SPATA18: variants seen among roughly 807,000 people sequenced by gnomAD.
The protein encoded by SPATA18 is mitochondria-eating protein.
In SPATA18, 54 loss-of-function variants were observed where a neutral mutation model predicts 68.1. The observed-to-expected ratio is 0.79, with a 90% CI of 0.64 to 0.99. The LOEUF (loss-of-function observed/expected upper bound fraction) is 0.99, where lower values mean the gene tolerates loss of function less well. Ranked by LOEUF, SPATA18 falls within the 50% of genes least tolerant of loss-of-function variation. SPATA18 has a pLI of 0.00. For synonymous variants in SPATA18, 242 were observed against 244.8 expected (o/e 0.99, Z 0.11); for missense variants, 724 against 681.1 (o/e 1.06, Z -0.70).
At chr4:52,084,853 T>C in intron 10 of SPATA18, 63 bp from the exon 11 acceptor site, 1 of 1,510,426 alleles carries the variant, frequency 6.6e-7, no homozygotes, top group Non-Finnish European at 9.2e-7. Flanking sequence ...GCATGTTGTT[T>C]TGAGCCATGA....
intron 1 of SPATA18, among the ~76,000 whole-genome samples, chr4:52,052,034 T>G (rs1737928590): frequency 6.6e-6 from 1 of 152,200 alleles, no homozygotes; most frequent in Admixed American, 6.5e-5. Flanking sequence ...AGCACTAGGC[T>G]GCGGAGACTG....
At chr4:52,060,678 T>G (rs1738759266) in intron 2 of SPATA18, 104 bp from the exon 3 acceptor site, 7 of 1,185,322 alleles carry the variant, frequency 5.9e-6, no homozygotes, top group Non-Finnish European at 3.6e-6. Context: ...TTAATTATAC[T>G]TTAAGTTTTA....
intron 11 of SPATA18, among the ~76,000 whole-genome samples, chr4:52,087,381 A>G (rs187857570): frequency 7.9e-5 from 12 of 152,234 alleles, no homozygotes; most frequent in African/African-American, 2.9e-4. Context: ...GTTTTCTTCT[A>G]GGATTTTTAT....
At chr4:52,064,393 A>G (rs1002690328) in intron 4 of SPATA18, among the ~76,000 whole-genome samples, 2 of 152,128 alleles carry the variant, frequency 1.3e-5, no homozygotes, top group African/African-American at 4.8e-5. Context: ...GGTATACACT[A>G]TAGCCAATAT....
intron 7 of SPATA18, among the ~76,000 whole-genome samples, chr4:52,077,266 CCCT>C (rs1376376900): frequency 1.5e-5 from 2 of 135,140 alleles, no homozygotes; most frequent in Non-Finnish European, 3.2e-5. Flanking sequence ...CTCCCTCCCT[CCCT>C]CCTTTCTTTC....
At chr4:52,079,706 A>T (rs779255198) in intron 8 of SPATA18, 38 bp from the exon 9 acceptor site, 1 of 1,604,346 alleles carries the variant, frequency 6.2e-7, no homozygotes. Context: ...TTTTTGTCAC[A>T]GGCTGGTAAC....
At chr4:52,086,344 T>C (rs1204981216) in intron 11 of SPATA18, among the ~76,000 whole-genome samples, 2 of 152,190 alleles carry the variant, frequency 1.3e-5, no homozygotes, top group African/African-American at 2.4e-5. Flanking sequence ...CGTGCCCTGG[T>C]GGTTTGATGC....
chr4:52,066,510 T>G (rs1482927801), intron 4 of SPATA18, among the ~76,000 whole-genome samples: 1 of 152,182 alleles, frequency 6.6e-6, no homozygotes, highest in Non-Finnish European at 1.5e-5. Context: ...ATATTATATT[T>G]TATTTTAAGT....
At chr4:52,092,722 A>G (rs1228695378) in intron 11 of SPATA18, among the ~76,000 whole-genome samples, 1 of 152,188 alleles carries the variant, frequency 6.6e-6, no homozygotes, top group Non-Finnish European at 1.5e-5. Flanking sequence ...CATGCTCCTT[A>G]TCATACATTC....
intron 4 of SPATA18, 93 bp downstream of exon 4, chr4:52,062,425 A>G (rs1294901971): frequency 1.3e-5 from 11 of 843,920 alleles, no homozygotes; most frequent in Non-Finnish European, 2.1e-5. Context: ...CTCATGTAAA[A>G]TGTGGGCATT....
intron 1 of SPATA18, among the ~76,000 whole-genome samples, chr4:52,056,136 T>C (rs1738321000): frequency 6.6e-6 from 1 of 152,138 alleles, no homozygotes; most frequent in Non-Finnish European, 1.5e-5. Flanking sequence ...CCCCTCATTC[T>C]GCCCTCAGCC....
intron 4 of SPATA18, among the ~76,000 whole-genome samples, chr4:52,064,581 T>C (rs552350312): frequency 6.6e-6 from 1 of 152,328 alleles, no homozygotes; most frequent in Admixed American, 6.5e-5. Context: ...TCCAGCTCCA[T>C]CCAAGTTGCT....
In SPATA18 at chr4:52,078,770, C is replaced by T; in HGVS notation, c.1056C>T (p.His352=). The T allele has an allele frequency of 6.2e-7, 1 of 1,603,768 alleles. No homozygotes were observed. The highest frequency in any genetic ancestry group is 1.3e-5 in the African/African-American group (1 of 74,978). ...ATGTAGCAAAAATGGCATTCAGACA[C>T]TTCAAGATCCATGTGAGAAAATCGT... ...AFHVAKMAFR[H]FKIHVRKSLT... The change falls in exon 8 of 13, where the codon CAC becomes CAT. Residue 352 remains histidine, a synonymous_variant. Coordinates refer to ENST00000295213, the MANE Select transcript of SPATA18 (RefSeq NM_145263.4).
chr4:52,075,910 G>T (rs1740299285), intron 6 of SPATA18, among the ~76,000 whole-genome samples: 1 of 152,160 alleles, frequency 6.6e-6, no homozygotes, highest in South Asian at 2.1e-4. Context: ...AATATATCTT[G>T]CTAGATTCAA....
chr4:52,061,338 G>A (rs1738832127), intron 3 of SPATA18, among the ~76,000 whole-genome samples: 1 of 151,966 alleles, frequency 6.6e-6, no homozygotes. Context: ...CAGGGGTGAG[G>A]GGAGAGAGAG....
chr4:52,094,342 T>G (rs1742244524), intron 11 of SPATA18, among the ~76,000 whole-genome samples, 185 bp from the exon 12 acceptor site: 1 of 152,172 alleles, frequency 6.6e-6, no homozygotes, highest in Admixed American at 6.6e-5. Context: ...ATAATATAAT[T>G]TAAACCAATA....
intron 6 of SPATA18, among the ~76,000 whole-genome samples, chr4:52,075,756 G>A (rs1371744311): frequency 6.6e-6 from 1 of 152,196 alleles, no homozygotes; most frequent in Non-Finnish European, 1.5e-5. Flanking sequence ...TCAGCGGCCC[G>A]GTATTGCCAA....
chr4:52,070,525 G>A (rs1358284585), intron 5 of SPATA18, among the ~76,000 whole-genome samples: 1 of 149,770 alleles, frequency 6.7e-6, no homozygotes, highest in East Asian at 2.0e-4. Flanking sequence ...CACACTCTGG[G>A]GACTGTTGTG....
At position 52,069,703 on chromosome 4, in the gene SPATA18, G is replaced by A. The variant is rs1383370094; in HGVS notation, c.423-118G>A. 7.6e-6 allele frequency: 4 copies of A among 524,596 alleles called. No individual in the cohort carries two copies. In the South Asian group the frequency reaches 1.6e-4, roughly 21 times the overall value. The allele number at this position is 524,596 out of a possible 1,614,324, so 32.5% of individuals were successfully genotyped here. On this transcript the variant is annotated intron_variant, in intron 4 of 12. Transcript: ENST00000295213. ...ATTGAATGCAGATGTCTTTTAATTTGATCTTGTTTATGTTGAACTATGTCA... is the reference window on the plus strand; with the variant it reads ...ATTGAATGCAGATGTCTTTTAATTTAATCTTGTTTATGTTGAACTATGTCA...
Sources: allele counts gnomAD v4.1 joint callset (sites outside exome capture counted in the v4.1 genomes callset), GRCh38; gene constraint gnomAD v4.1.1; transcripts MANE v1.5; gene names NCBI Gene and HGNC (gene_info 2026-07-23, HGNC 2026-07-21).